Variants in PLEKHM3 observed in about 807,000 individuals in gnomAD.
PLEKHM3 encodes pleckstrin homology domain-containing family M member 3.
Under a neutral mutation model 81.8 loss-of-function variants are expected in PLEKHM3, and 45 were observed. That is an observed-to-expected ratio of 0.55 (90% CI 0.43 to 0.71). The LOEUF (loss-of-function observed/expected upper bound fraction) is 0.71. Among genes scored for constraint, PLEKHM3 ranks in the 30% least tolerant of loss-of-function variants. PLEKHM3 has a pLI of 0.00. For missense variants in PLEKHM3, 788 were observed against 924.3 expected (o/e 0.85, Z 1.91); for synonymous variants, 352 against 356.4 (o/e 0.99, Z 0.14).
chr2:207,952,568 T>C (rs1380770431), intron 3 of PLEKHM3, among the ~76,000 whole-genome samples: 1 of 152,194 alleles, frequency 6.6e-6, no homozygotes, highest in Non-Finnish European at 1.5e-5. Context: ...AAAAATAAGG[T>C]ATTACATTTG....
chr2:207,928,306 C>A (rs1325438315), intron 5 of PLEKHM3, among the ~76,000 whole-genome samples: 1 of 152,198 alleles, frequency 6.6e-6, no homozygotes, highest in Non-Finnish European at 1.5e-5. Context: ...AAACTACAGG[C>A]CTGGGCCCAG....
chr2:207,997,744 A>C (rs541263404), intron 2 of PLEKHM3, among the ~76,000 whole-genome samples: 2 of 152,284 alleles, frequency 1.3e-5, no homozygotes, highest in Admixed American at 6.5e-5. Flanking sequence ...AATGCTCACC[A>C]GGCAGTTGGA....
At chr2:207,933,041 T>A (rs1346961185) in intron 4 of PLEKHM3, among the ~76,000 whole-genome samples, 1 of 152,196 alleles carries the variant, frequency 6.6e-6, no homozygotes, top group East Asian at 1.9e-4. Context: ...TTTTTCCTTA[T>A]AAGCAATTAT....
intron 7 of PLEKHM3, among the ~76,000 whole-genome samples, chr2:207,856,535 C>T (rs919143718): frequency 5.9e-5 from 9 of 152,170 alleles, no homozygotes; most frequent in African/African-American, 1.9e-4. Context: ...TTGCCTTTTC[C>T]GAAATGTCAT....
chr2:207,863,993 T>C (rs13385770), intron 6 of PLEKHM3, among the ~76,000 whole-genome samples: 47,091 of 151,488 alleles, frequency 0.31, 7,858 homozygotes, highest in African/African-American at 0.42. Flanking sequence ...TCCAAACTCA[T>C]TTTCTATTTC....
intron 6 of PLEKHM3, among the ~76,000 whole-genome samples, chr2:207,888,887 C>A (rs1359448192): frequency 6.6e-6 from 1 of 152,078 alleles, no homozygotes; most frequent in Non-Finnish European, 1.5e-5. Context: ...ACTCTTTTTC[C>A]CTGTCTGTTA....
At position 207,905,243 on chromosome 2, in the gene PLEKHM3, C is replaced by T. The variant is rs796959746; in HGVS notation, c.1950+3271G>A. Reference sequence around the variant, plus strand: ...TAAAAGCCCCTTTTCTCTAGTTACTCGATATGACAGACAGGTCTGCTTTTA... The same window carrying T: ...TAAAAGCCCCTTTTCTCTAGTTACTTGATATGACAGACAGGTCTGCTTTTA... On this transcript the variant is annotated intron_variant, in intron 6 of 7. Coordinates refer to ENST00000427836, the MANE Select transcript of PLEKHM3 (RefSeq NM_001080475.3). Among the ~76,000 whole-genome samples the T allele has an allele frequency of 1.2e-4, 19 of 152,220 alleles. 1 individual carries two copies. The highest frequency in any genetic ancestry group is 4.6e-4 in the African/African-American group (19 of 41,554).
intron 3 of PLEKHM3, among the ~76,000 whole-genome samples, chr2:207,947,825 C>A (rs984202335): frequency 6.6e-6 from 1 of 152,162 alleles, no homozygotes; most frequent in Non-Finnish European, 1.5e-5. Context: ...GAACTACCAA[C>A]CTAAGAAGAT....
At chr2:207,835,107 A>AT (rs1324519817) in intron 7 of PLEKHM3, among the ~76,000 whole-genome samples, 9 of 150,464 alleles carry the variant, frequency 6.0e-5, no homozygotes, top group East Asian at 3.9e-4. Flanking sequence ...TGCCCAGCTA[A>AT]TTTTTTTTTG....
At position 207,870,216 on chromosome 2, in the gene PLEKHM3, C is replaced by G. The variant is rs368611804; in HGVS notation, c.1951-8954G>C. On this transcript the variant is annotated intron_variant, in intron 6 of 7. Coordinates refer to ENST00000427836, the MANE Select transcript of PLEKHM3 (RefSeq NM_001080475.3). ...CACAAAATTCAAAATTTATGGGGGG[C>G]GGAGAAGACAGAGAACTAGTAACCT... 6.9e-4 allele frequency among the ~76,000 whole-genome samples: 105 copies of G among 152,152 alleles called. 2 individuals are homozygous for G. The highest frequency in any genetic ancestry group is 2.1e-3 in the African/African-American group (86 of 41,530).
chr2:207,830,921 T>C (rs920355104), intron 7 of PLEKHM3, among the ~76,000 whole-genome samples: 1 of 152,190 alleles, frequency 6.6e-6, no homozygotes, highest in African/African-American at 2.4e-5. Context: ...GTCTGTGGTC[T>C]TCCGTGTGAC....
At position 207,961,353 on chromosome 2, in the gene PLEKHM3, C is replaced by T. The variant is rs1031668112; in HGVS notation, c.1547-14841G>A. On this transcript the variant is annotated intron_variant, in intron 3 of 7. Transcript: ENST00000427836. ...CAGCAAAGTTTTTGGTTCAGCCCTA[C>T]ATGATTTACTTCCTTTATAGAAAAA... Among the ~76,000 whole-genome samples, 4 of 152,186 alleles carry T rather than the reference C, an allele frequency of 2.6e-5. No individual in the cohort carries two copies. In the South Asian group the frequency reaches 8.3e-4, roughly 32 times the overall value.
intron 1 of PLEKHM3, among the ~76,000 whole-genome samples, chr2:208,018,300 G>C (rs1460774236): frequency 6.6e-6 from 1 of 151,334 alleles, no homozygotes. Flanking sequence ...TTGAACCTGG[G>C]AGGCGGAAGT....
intron 3 of PLEKHM3, among the ~76,000 whole-genome samples, chr2:207,948,075 G>C (rs909763663): frequency 6.6e-6 from 1 of 151,808 alleles, no homozygotes; most frequent in African/African-American, 2.4e-5. Context: ...CTTTACTATT[G>C]AGCAGCAAAA....
intron 4 of PLEKHM3, among the ~76,000 whole-genome samples, chr2:207,940,262 A>T (rs1689895999): frequency 6.6e-6 from 1 of 152,232 alleles, no homozygotes; most frequent in Non-Finnish European, 1.5e-5. Context: ...TTAAGTGCTT[A>T]TCACAGTCAT....
chr2:207,864,210 T>C (rs1188032894), intron 6 of PLEKHM3, among the ~76,000 whole-genome samples: 1 of 152,238 alleles, frequency 6.6e-6, no homozygotes, highest in African/African-American at 2.4e-5. Context: ...CTTACTTTTC[T>C]CTCCATTACC....
intron 5 of PLEKHM3, among the ~76,000 whole-genome samples, chr2:207,920,233 GA>G (rs1689135913): frequency 6.6e-6 from 1 of 152,198 alleles, no homozygotes; most frequent in Non-Finnish European, 1.5e-5. Context: ...GACTAAACCT[GA>G]CAAACATGTA....
chr2:207,888,354 TACACACACAC>T lies in PLEKHM3; in HGVS notation c.1950+20150_1950+20159del, dbSNP rs72373527. 4.0e-5 allele frequency among the ~76,000 whole-genome samples: 6 copies of T among 150,188 alleles called. No individual in the cohort carries two copies. The East Asian group carries it at 9.9e-4, about 25-fold the overall frequency. ...GTCTGCCTTATCCTGCTTTTCTTCA[TACACACACAC>T]ACACACACACACACTTGGATAATTC... On this transcript the variant is annotated intron_variant, in intron 6 of 7. Transcript: ENST00000427836.
At chr2:207,880,056 ATAAGT>A (rs1442683372) in intron 6 of PLEKHM3, among the ~76,000 whole-genome samples, 1 of 152,232 alleles carries the variant, frequency 6.6e-6, no homozygotes, top group Non-Finnish European at 1.5e-5. Flanking sequence ...AGATTATAAC[ATAAGT>A]TAATTGTTTA....
Sources: gnomAD v4.1 joint callset for allele counts (sites outside exome capture counted in the v4.1 genomes callset) on GRCh38, gnomAD v4.1.1 for gene constraint, MANE v1.5 for transcripts, NCBI Gene and HGNC (gene_info 2026-07-23, HGNC 2026-07-21) for gene names.